SPTBN5: variants seen among roughly 807,000 people sequenced by gnomAD.
SPTBN5 encodes the protein spectrin beta chain, non-erythrocytic 5.
In SPTBN5, 513 loss-of-function variants were observed where a neutral mutation model predicts 477.6. That is an observed-to-expected ratio of 1.07 (90% CI 1.00 to 1.16). The LOEUF is 1.16. Ranked by LOEUF, SPTBN5 falls within the 50% of genes most tolerant of loss-of-function variation. The pLI is 0.00. For missense variants in SPTBN5, 5,062 were observed against 4,731.8 expected (o/e 1.07, Z -2.05); for synonymous variants, 2,169 against 2,011.7 (o/e 1.08, Z -2.09).
chr15:41,870,191 G>A, intron 31 of SPTBN5, 52 bp downstream of exon 31: 3 of 1,519,744 alleles, frequency 2.0e-6, no homozygotes, highest in African/African-American at 1.4e-5. Flanking sequence ...AGGCAGGCCA[G>A]CCTGAGGGGG....
In SPTBN5 at chr15:41,854,313, T is replaced by G. The variant is rs1358772190; in HGVS notation, c.9619-108A>C. On this transcript the variant is annotated intron_variant, in intron 56 of 67. Coordinates refer to ENST00000320955, the MANE Select transcript of SPTBN5 (RefSeq NM_016642.4). ...ACCTCCTTTTGAACAAGGAGGATCA[T>G]GGGGCTTGATGTGTCCCCAGGTACA... 5.3e-6 allele frequency: 6 copies of G among 1,142,334 alleles called. No individual in the cohort carries two copies. In the African/African-American group the frequency reaches 1.0e-4, roughly 19 times the overall value. 70.8% of individuals were successfully genotyped at this position (1,142,334 alleles called of 1,614,324 possible). A position where few individuals can be genotyped will look rare whatever the true frequency, so the allele number is the denominator to read the frequency against.
At chr15:41,863,623 G>T in intron 41 of SPTBN5, 81 bp downstream of exon 41, 2 of 1,108,160 alleles carry the variant, frequency 1.8e-6, no homozygotes, top group Non-Finnish European at 2.7e-6. Flanking sequence ...GGGGGGAGAC[G>T]CATGGGAGAC....
chr15:41,851,544 G>A (rs966351056), intron 63 of SPTBN5, among the ~76,000 whole-genome samples, 175 bp from the exon 64 acceptor site: 1 of 142,850 alleles, frequency 7.0e-6, no homozygotes, highest in African/African-American at 2.6e-5. Flanking sequence ...AAGCAGAAGG[G>A]GAAGAGCAGG....
rs780803109 is a variant in SPTBN5 at position 41,854,799 on chromosome 15, T to C, written c.9601A>G (p.Ile3201Val). ...EAAWERLDQA[I>V]KARTENLAAA... Reference sequence around the variant, plus strand: ...TCACCTACCTCTGTGCGGGCTTTTATTGCTTGGTCCAACCTCTCCCAAGCA... The same window carrying C: ...TCACCTACCTCTGTGCGGGCTTTTACTGCTTGGTCCAACCTCTCCCAAGCA... The change falls in exon 56 of 68, where the codon ATA (isoleucine) becomes GTA (valine). Residue 3201 changes from isoleucine (I) to valine (V), a missense_variant. Coordinates refer to ENST00000320955, the MANE Select transcript of SPTBN5 (RefSeq NM_016642.4). 4 of 1,550,454 alleles carry C rather than the reference T, an allele frequency of 2.6e-6. No individual in the cohort carries two copies. The highest frequency in any genetic ancestry group is 3.5e-6 in the Non-Finnish European group (4 of 1,148,306).
chr15:41,852,770 G>GGC (rs1555460254), intron 60 of SPTBN5, 35 bp from the exon 61 acceptor site: 3 of 864,712 alleles, frequency 3.5e-6, no homozygotes, highest in African/African-American at 6.5e-5. Context: ...CGCCCAGCTT[G>GGC]GGGGGGGGGG....
rs765682156 is a variant in SPTBN5 at position 41,861,767 on chromosome 15, G to A, written c.7705C>T (p.Gln2569Ter). The A allele has an allele frequency of 2.6e-5, 40 of 1,554,078 alleles. No individual in the cohort carries two copies. In the African/African-American group the frequency reaches 4.3e-4, roughly 17 times the overall value. ...TCCAGGGCCTGCTGCAGCTGTAGCT[G>A]ATGCTCCTGCCAGGCCCCTTCCAGG... The part of the protein sequence containing the change: ...SSLEGAWQEH[Q>*]LQLQQALELQ... The change falls in exon 45 of 68, where the codon CAG becomes TAG. Residue 2569 changes from glutamine to a stop codon, truncating the protein, a stop_gained. Coordinates refer to ENST00000320955, the MANE Select transcript of SPTBN5 (RefSeq NM_016642.4). LOFTEE classifies it high-confidence loss of function.
Position 41,868,525 on chromosome 15 carries a change from C to T in SPTBN5, c.5930G>A (p.Ser1977Asn). Residue 1977 changes from serine to asparagine, a missense_variant, in exon 33 of 68, where the codon AGT (serine) becomes AAT (asparagine). Physicochemically the swap from Ser to Asn is conservative, Grantham distance 46 (BLOSUM62 1). Transcript: ENST00000320955. ...QVEESSQEPS[S>N]GPLKLSAHQW... ...GTGGGCACTGAGCTTCAGCGGGCCA[C>T]TGCTAGGCTCTTGCGAACTCTCCTC... 1 of 1,608,728 alleles carries T rather than the reference C, an allele frequency of 6.2e-7. No individual in the cohort carries two copies. Among genetic ancestry groups the T allele is most frequent in the Non-Finnish European group, 8.5e-7 (1 of 1,179,734 alleles).
intron 55 of SPTBN5, 57 bp downstream of exon 55, chr15:41,855,167 G>A (rs562950430): frequency 5.2e-6 from 8 of 1,552,074 alleles, no homozygotes; most frequent in Non-Finnish European, 7.0e-6. Flanking sequence ...TCATCCCAGG[G>A]CAGGCCTTCC....
In SPTBN5 at chr15:41,890,190, T is replaced by C. The variant is rs889688430; in HGVS notation, c.400A>G (p.Ile134Val). ...CCGTCCACGATGTTCTCTGGCCCGA[T>C]GAGTGGTACTGGCACCTGTGGGCAC... is the stretch of plus-strand genomic sequence containing the variant. Reference protein sequence around the residue: ...FLRAKVPVPLIGPENIVDGDQ... With the variant: ...FLRAKVPVPLVGPENIVDGDQ... Residue 134 changes from isoleucine (I) to valine (V), a missense_variant, in exon 4 of 68, where the codon ATC (isoleucine) becomes GTC (valine). Ile to Val is a conservative substitution (Grantham distance 29). Coordinates refer to ENST00000320955, the MANE Select transcript of SPTBN5 (RefSeq NM_016642.4). The C allele has an allele frequency of 6.2e-7, 1 of 1,611,586 alleles. No homozygotes were observed. Among genetic ancestry groups the C allele is most frequent in the Non-Finnish European group, 8.5e-7 (1 of 1,178,738 alleles).
At position 41,855,438 on chromosome 15, in the gene SPTBN5, G is replaced by C; in HGVS notation, c.9219-10C>G. On this transcript the variant is annotated splice_polypyrimidine_tract_variant and intron_variant, in intron 54 of 67. Coordinates refer to ENST00000320955, the MANE Select transcript of SPTBN5 (RefSeq NM_016642.4). Reference sequence around the variant, plus strand: ...GGCTAGCACCTTGGGGCTGTGGGAAGAGAGCGACAGTCTGGACTGCAGCCC... The same window carrying C: ...GGCTAGCACCTTGGGGCTGTGGGAACAGAGCGACAGTCTGGACTGCAGCCC... 1 of 1,599,320 alleles carries C rather than the reference G, an allele frequency of 6.3e-7. No homozygotes were observed. The highest frequency in any genetic ancestry group is 8.5e-7 in the Non-Finnish European group (1 of 1,172,998).
In SPTBN5 at chr15:41,861,698, G is replaced by A. The variant is rs2066114057; in HGVS notation, c.7737+37C>T. 4 of 1,521,016 alleles carry A rather than the reference G, an allele frequency of 2.6e-6. No homozygotes were observed. In the East Asian group the frequency reaches 7.3e-5, roughly 28 times the overall value. 94.2% of individuals were successfully genotyped at this position (1,521,016 alleles called of 1,614,324 possible). A position where few individuals can be genotyped will look rare whatever the true frequency, so the allele number is the denominator to read the frequency against. On this transcript the variant is annotated intron_variant, in intron 45 of 67. Coordinates refer to ENST00000320955, the MANE Select transcript of SPTBN5 (RefSeq NM_016642.4). ...GGGGTCAGCGCAGGCCCTGTTCGGG[G>A]GGGCAAGATGCAGGCTGGGGATGGG...
chr15:41,893,202 A>G, intron 2 of SPTBN5, 80 bp downstream of exon 2: 1 of 1,595,580 alleles, frequency 6.3e-7, no homozygotes, highest in South Asian at 1.1e-5. Context: ...AGATGACCCC[A>G]CAGCTCACCC....
At chr15:41,869,572 C>A (rs1048097246) in intron 32 of SPTBN5, among the ~76,000 whole-genome samples, 12 of 152,222 alleles carry the variant, frequency 7.9e-5, no homozygotes, top group Non-Finnish European at 1.3e-4. Flanking sequence ...CTTTCCTGGG[C>A]AGTTCTTACT....
rs763279223 is a variant in SPTBN5 at position 41,867,623 on chromosome 15, G to A, written c.6227C>T (p.Ala2076Val). 2 of 1,613,606 alleles carry A rather than the reference G, an allele frequency of 1.2e-6. No homozygotes were observed. Among genetic ancestry groups the A allele is most frequent in the South Asian group, 1.1e-5 (1 of 91,070 alleles). Residue 2076 changes from alanine (A) to valine (V), a missense_variant, in exon 35 of 68, where the codon GCC (alanine) becomes GTC (valine). Transcript: ENST00000320955. ...TACCTCTTCCACCGAGCTCCCCAAGGCACTGGTTTTCAGGGAGACCTGGAT... is the reference window on the plus strand; with the variant it reads ...TACCTCTTCCACCGAGCTCCCCAAGACACTGGTTTTCAGGGAGACCTGGAT... ...AAQEVSLKTS[A>V]LGSSVEEVEQ...
intron 7 of SPTBN5, 53 bp downstream of exon 7, chr15:41,885,682 G>A: frequency 6.6e-7 from 1 of 1,515,840 alleles, no homozygotes; most frequent in East Asian, 2.5e-5. Context: ...GGATGGGGGT[G>A]TGGTAGGACA....
Position 41,871,886 on chromosome 15 carries a change from G to A in SPTBN5, c.5197C>T (p.His1733Tyr), listed in dbSNP as rs1231864276. Residue 1733 changes from histidine to tyrosine, a missense_variant, in exon 28 of 68, where the codon CAT (histidine) becomes TAT (tyrosine). Transcript: ENST00000320955. ...DRELEGTLRL[H>Y]EFLREAEDLQ... is the part of the protein sequence containing the mutation. ...TCCTCAGCCTCCCTCAGGAACTCAT[G>A]CAGCCTCAGGGTCCCCTCCAGTTCC... 6.3e-7 allele frequency: 1 copy of A among 1,585,888 alleles called. No homozygotes were observed. The highest frequency in any genetic ancestry group is 1.8e-5 in the Admixed American group (1 of 56,592).
At chr15:41,893,797 G>T in intron 1 of SPTBN5, 102 bp downstream of exon 1, 1 of 504,502 alleles carries the variant, frequency 2.0e-6, no homozygotes, top group Non-Finnish European at 3.6e-6. Context: ...GACTGGGACA[G>T]GTGGAAGGAA....
At chr15:41,863,649 C>G in intron 41 of SPTBN5, 55 bp downstream of exon 41, 1 of 1,423,392 alleles carries the variant, frequency 7.0e-7, no homozygotes, top group Non-Finnish European at 9.9e-7. Flanking sequence ...GCAGTGCCCC[C>G]TCCCCTGACT....
Position 41,893,454 on chromosome 15 carries a change from G to C in SPTBN5, c.44C>G (p.Ala15Gly). 1 of 1,607,934 alleles carries C rather than the reference G, an allele frequency of 6.2e-7. No homozygotes were observed. Among genetic ancestry groups the C allele is most frequent in the Non-Finnish European group, 8.5e-7 (1 of 1,178,520 alleles). The change falls in exon 2 of 68, where the codon GCA becomes GGA. Residue 15 changes from alanine to glycine, a missense_variant. Transcript: ENST00000320955. Reference sequence around the variant, plus strand: ...GCTGGGCCTCCTGCTGCGGTGCCCTGCAGCCCCGAGGAGCTCCCGGGGACT... The same window carrying C: ...GCTGGGCCTCCTGCTGCGGTGCCCTCCAGCCCCGAGGAGCTCCCGGGGACT... ...PHSPRELLGA[A>G]GHRSRRPSTE...
Sources: allele counts gnomAD v4.1 joint callset (sites outside exome capture counted in the v4.1 genomes callset), GRCh38; gene constraint gnomAD v4.1.1; transcripts MANE v1.5; gene names NCBI Gene and HGNC (gene_info 2026-07-23, HGNC 2026-07-21).